The following KLHDC4 variants were observed in gnomAD, a reference collection of about 807,000 sequenced individuals.
KLHDC4 encodes the protein kelch domain containing 4, also known as kelch domain-containing protein 4.
A neutral mutation model predicts 62.4 loss-of-function variants in KLHDC4; 90 were observed. That is an observed-to-expected ratio of 1.44 (90% CI 1.22 to 1.72). The LOEUF (loss-of-function observed/expected upper bound fraction) is 1.72, where lower values mean the gene tolerates loss of function less well. KLHDC4 is among the 40% of genes most tolerant of loss of function. The probability of loss-of-function intolerance (pLI) is 0.00; values close to 1 mark genes in which losing one functional copy is unlikely to be tolerated. For missense variants in KLHDC4, 1,025 were observed against 699.7 expected, an observed-to-expected ratio of 1.47 and a Z score of -5.25; for synonymous variants, 386 against 284.4, an observed-to-expected ratio of 1.36 and a Z score of -3.59.
At chr16:87,717,018 G>A (rs947773255) in intron 7 of KLHDC4, among the ~76,000 whole-genome samples, 2 of 152,216 alleles carry the variant, frequency 1.3e-5, no homozygotes, top group African/African-American at 4.8e-5. Context: ...GACTGCTTGA[G>A]TTCAGGAGTT....
At chr16:87,727,243 T>A (rs910749801) in intron 6 of KLHDC4, among the ~76,000 whole-genome samples, 1 of 152,210 alleles carries the variant, frequency 6.6e-6, no homozygotes, top group Non-Finnish European at 1.5e-5. Context: ...TGAGTTTGCA[T>A]TTGAAAACCG....
intron 5 of KLHDC4, among the ~76,000 whole-genome samples, chr16:87,737,325 C>T (rs1401925880): frequency 1.3e-5 from 2 of 151,924 alleles, no homozygotes; most frequent in African/African-American, 2.4e-5. Flanking sequence ...CGGTGGCTCA[C>T]GCCTGTAATC....
downstream of KLHDC4, chr16:87,703,284 G>A (rs1421322176): frequency 1.3e-5 from 2 of 152,156 alleles, no homozygotes; most frequent in Non-Finnish European, 1.5e-5. Context: ...GGGTCAGCGC[G>A]CGTGGGGTCC....
chr16:87,712,397 G>A (rs915330947), intron 8 of KLHDC4, among the ~76,000 whole-genome samples: 2 of 152,246 alleles, frequency 1.3e-5, no homozygotes, highest in African/African-American at 4.8e-5. Context: ...GCACATGACT[G>A]TGTGAAGGAA....
chr16:87,726,830 A>T lies in KLHDC4; in HGVS notation c.694T>A (p.Ser232Thr), dbSNP rs2039447787. The T allele has an allele frequency of 6.2e-7, 1 of 1,611,778 alleles. No homozygotes were observed. Among genetic ancestry groups the T allele is most frequent in the Non-Finnish European group, 8.5e-7 (1 of 1,179,276 alleles). ...GGAGTGACGGACATCTGGCAGCCTG[A>T]TCTGGGTGTGGGCCCCGTCCCTGAC... ...SPSGTGPTPR[S>T]GCQMSVTPQG... The change falls in exon 7 of 12, where the codon TCA becomes ACA. Residue 232 changes from serine (S) to threonine (T), a missense_variant. Transcript: ENST00000270583.
chr16:87,740,981 C>G (rs1404231320), intron 5 of KLHDC4: 3 of 152,156 alleles, frequency 2.0e-5, no homozygotes, highest in Non-Finnish European at 1.5e-5. Flanking sequence ...GCTGGCCACA[C>G]GCAGCCCTCC....
chr16:87,745,189 C>T (rs2042859561), intron 5 of KLHDC4, among the ~76,000 whole-genome samples: 1 of 152,192 alleles, frequency 6.6e-6, no homozygotes, highest in Admixed American at 6.5e-5. Flanking sequence ...ATGTTCTCTC[C>T]ACCCTCACCC....
At chr16:87,743,998 G>A (rs974792763) in intron 5 of KLHDC4, among the ~76,000 whole-genome samples, 4 of 152,140 alleles carry the variant, frequency 2.6e-5, no homozygotes, top group African/African-American at 4.8e-5. Context: ...GAATTTGAGG[G>A]CCAGGCGTGG....
intron 6 of KLHDC4, 99 bp from the exon 7 acceptor site, chr16:87,727,023 T>G: frequency 7.5e-7 from 1 of 1,336,342 alleles, no homozygotes; most frequent in Non-Finnish European, 1.0e-6. Context: ...TTTCCTACTG[T>G]TTGGGGAAAA....
intron 5 of KLHDC4, 115 bp from the exon 6 acceptor site, chr16:87,730,759 T>A: frequency 3.6e-6 from 3 of 829,000 alleles, no homozygotes; most frequent in Non-Finnish European, 6.0e-6. Flanking sequence ...TGTGAGCACT[T>A]ACTGCTCACA....
chr16:87,741,645 A>C (rs1175219850), intron 5 of KLHDC4, among the ~76,000 whole-genome samples: 1 of 152,212 alleles, frequency 6.6e-6, no homozygotes, highest in Admixed American at 6.5e-5. Flanking sequence ...ACATTAACAC[A>C]ACTCAAATCA....
intron 7 of KLHDC4, among the ~76,000 whole-genome samples, chr16:87,716,727 A>G (rs2037070231): frequency 6.6e-6 from 1 of 152,090 alleles, no homozygotes. Flanking sequence ...TCAGGAGATC[A>G]AGACTAATCC....
At chr16:87,698,810 G>T (rs1172912328) in exon 1 of KLHDC4, 2 of 152,298 alleles carry the variant, frequency 1.3e-5, no homozygotes, top group South Asian at 2.1e-4. Flanking sequence ...AGGCCCAGGG[G>T]ACCTGCTTCC....
chr16:87,726,144 G>C (rs77627087), intron 7 of KLHDC4, among the ~76,000 whole-genome samples: 18,583 of 132,530 alleles, frequency 0.14, 2,404 homozygotes, highest in South Asian at 0.26. Flanking sequence ...TGAAACTGAA[G>C]AGACCACAGA....
intron 7 of KLHDC4, among the ~76,000 whole-genome samples, chr16:87,719,537 C>T (rs13330114): frequency 0.4 from 60,071 of 151,874 alleles, 12,605 homozygotes; most frequent in Middle Eastern, 0.57. Flanking sequence ...CACGGAAGGC[C>T]GCAGGGTCCT....
intron 8 of KLHDC4, among the ~76,000 whole-genome samples, chr16:87,713,153 T>G (rs2036229591): frequency 6.6e-6 from 1 of 152,170 alleles, no homozygotes; most frequent in African/African-American, 2.4e-5. Context: ...CACCTCAGCG[T>G]CCCCAGTAGC....
intron 2 of KLHDC4, among the ~76,000 whole-genome samples, chr16:87,759,634 T>C (rs1352007329): frequency 6.7e-6 from 1 of 150,124 alleles, no homozygotes; most frequent in East Asian, 2.0e-4. Flanking sequence ...TTGTCCCAGC[T>C]ACTCCGGAGG....
chr16:87,726,900 C>T lies in KLHDC4; in HGVS notation c.624G>A (p.Val208=). Residue 208 remains valine, a synonymous_variant, in exon 7 of 12, where the codon GTG becomes GTA. Transcript: ENST00000270583. The stretch of plus-strand genomic sequence containing the variant: ...TGAAGGTGTCCAGATTAAAGGCATA[C>T]ACGTCGTTGTAGTAGATGTAATCCC... ...STRDYIYYND[V]YAFNLDTFTW... is the part of the protein sequence containing the mutation. 1 of 1,614,010 alleles carries T rather than the reference C, an allele frequency of 6.2e-7. No homozygotes were observed. Among genetic ancestry groups the T allele is most frequent in the Non-Finnish European group, 8.5e-7 (1 of 1,179,952 alleles).
intron 11 of KLHDC4, 23 bp from the exon 12 acceptor site, chr16:87,708,098 TGA>T (rs1369232470): frequency 6.4e-6 from 4 of 629,104 alleles, no homozygotes; most frequent in Non-Finnish European, 3.0e-6. Flanking sequence ...GAGGAAGGAA[TGA>T]GAGAGAAACA....
Sources: allele counts gnomAD v4.1 joint callset (sites outside exome capture counted in the v4.1 genomes callset), GRCh38; gene constraint gnomAD v4.1.1; transcripts MANE v1.5; gene names NCBI Gene and HGNC (gene_info 2026-07-23, HGNC 2026-07-21).